The following NCKAP5 variants were observed in gnomAD, a reference collection of about 807,000 sequenced individuals.
NCKAP5 encodes the protein NCK associated protein 5.
Under a neutral mutation model 167.0 loss-of-function variants are expected in NCKAP5, and 92 were observed. The observed-to-expected ratio is 0.55, with a 90% confidence interval of 0.47 to 0.66. The LOEUF is 0.66. Ranked by LOEUF, NCKAP5 falls within the 30% of genes least tolerant of loss-of-function variation. The pLI is 0.00. For missense variants in NCKAP5, 2,378 were observed against 2,315.0 expected, an observed-to-expected ratio of 1.03 and a Z score of -0.56; for synonymous variants, 891 against 877.4, an observed-to-expected ratio of 1.02 and a Z score of -0.27.
chr2:133,043,279 A>T (rs918540982), intron 6 of NCKAP5, among the ~76,000 whole-genome samples: 6 of 152,226 alleles, frequency 3.9e-5, no homozygotes, highest in Admixed American at 3.9e-4. Flanking sequence ...CTGTTTGCCC[A>T]TCCCATAATC....
chr2:133,178,429 C>T (rs568721201), intron 5 of NCKAP5, among the ~76,000 whole-genome samples: 3 of 137,544 alleles, frequency 2.2e-5, no homozygotes, highest in African/African-American at 5.5e-5. Context: ...TGCCTGAACC[C>T]GGGAAGTGGA....
chr2:132,748,651 C>T (rs572254138), intron 16 of NCKAP5, among the ~76,000 whole-genome samples: 2 of 152,240 alleles, frequency 1.3e-5, no homozygotes, highest in East Asian at 3.9e-4. Context: ...CCCTACTCTC[C>T]CTGTTTCAAA....
At position 132,672,023 on chromosome 2, in the gene NCKAP5, T is replaced by C. The variant is rs1417976536; in HGVS notation, c.*1266A>G. 1 of 152,664 alleles carries C rather than the reference T, an allele frequency of 6.6e-6. No individual in the cohort carries two copies. The highest frequency in any genetic ancestry group is 1.5e-5 in the Non-Finnish European group (1 of 68,042). 9.5% of individuals were successfully genotyped at this position (152,664 alleles called of 1,614,324 possible). On this transcript the variant is annotated 3_prime_UTR_variant, in exon 20 of 20. Transcript: ENST00000409261. ...CTATTGGGCCTAGTTTACAAGCTCC[T>C]GTACATAAGTAATTATAAATAGTTC...
At chr2:133,558,704 C>CTAAAAAAAAAA (rs1687929346) in intron 2 of NCKAP5, among the ~76,000 whole-genome samples, 1 of 50,872 alleles carries the variant, frequency 2.0e-5, no homozygotes, top group Non-Finnish European at 3.3e-5. Flanking sequence ...ATGTGCTGAG[C>CTAAAAAAAAAA]AAAAAAAAAA....
chr2:133,466,224 A>G (rs1692576338), intron 3 of NCKAP5, among the ~76,000 whole-genome samples: 1 of 147,842 alleles, frequency 6.8e-6, no homozygotes, highest in Non-Finnish European at 1.5e-5. Context: ...AGATTTCTAC[A>G]TATGGCTAGC....
At chr2:133,192,654 A>G (rs943421329) in intron 5 of NCKAP5, among the ~76,000 whole-genome samples, 8 of 151,144 alleles carry the variant, frequency 5.3e-5, no homozygotes, top group Admixed American at 4.6e-4. Flanking sequence ...AAAGATATTC[A>G]ATGCCACTAA....
chr2:133,552,824 G>T (rs894772639), intron 2 of NCKAP5, among the ~76,000 whole-genome samples: 1 of 151,650 alleles, frequency 6.6e-6, no homozygotes, highest in East Asian at 1.9e-4. Flanking sequence ...GCAGATGAAC[G>T]AACACTCTTT....
At chr2:133,421,623 C>A (rs1196930006) in intron 3 of NCKAP5, among the ~76,000 whole-genome samples, 1 of 152,180 alleles carries the variant, frequency 6.6e-6, no homozygotes, top group African/African-American at 2.4e-5. Flanking sequence ...GCACAGCCTG[C>A]GTTTACTCAC....
chr2:133,339,116 T>G (rs1255127679), intron 3 of NCKAP5, among the ~76,000 whole-genome samples: 1 of 152,210 alleles, frequency 6.6e-6, no homozygotes, highest in Non-Finnish European at 1.5e-5. Context: ...TCAAAGAAAT[T>G]TCAACAGAAT....
At chr2:133,265,573 T>C (rs2089155406) in intron 4 of NCKAP5, among the ~76,000 whole-genome samples, 2 of 152,250 alleles carry the variant, frequency 1.3e-5, no homozygotes, top group Admixed American at 1.3e-4. Context: ...GCACAGGCAG[T>C]TGCCAGTAGC....
At chr2:132,737,807 T>C (rs568714960) in intron 16 of NCKAP5, among the ~76,000 whole-genome samples, 1 of 152,348 alleles carries the variant, frequency 6.6e-6, no homozygotes, top group African/African-American at 2.4e-5. Context: ...ATAAATGTTA[T>C]TAGACTGTAA....
chr2:133,487,371 G>A (rs1365244661), intron 3 of NCKAP5, among the ~76,000 whole-genome samples: 4 of 152,130 alleles, frequency 2.6e-5, no homozygotes, highest in African/African-American at 9.7e-5. Flanking sequence ...AAATGATAGG[G>A]TGGTGTGAAA....
chr2:133,167,310 A>T (rs1050922673), intron 5 of NCKAP5, among the ~76,000 whole-genome samples: 2 of 152,194 alleles, frequency 1.3e-5, no homozygotes, highest in Non-Finnish European at 2.9e-5. Context: ...GCTATTATTT[A>T]ATAACTAAGA....
At chr2:133,590,523 CAAAAAA>C in the NCKAP5 span, among the ~76,000 whole-genome samples, 4 of 89,670 alleles carry the variant, frequency 4.5e-5, no homozygotes, top group African/African-American at 1.9e-4. Context: ...GACTCTGTCT[CAAAAAA>C]AAAAAAAAAA....
At chr2:133,228,126 TG>T (rs35094848) in intron 4 of NCKAP5, among the ~76,000 whole-genome samples, 1 of 152,192 alleles carries the variant, frequency 6.6e-6, no homozygotes, top group East Asian at 1.9e-4. Flanking sequence ...AGCTTTGACC[TG>T]GGAGCAGGGT....
At chr2:133,003,441 G>A (rs570296612) in intron 6 of NCKAP5, among the ~76,000 whole-genome samples, 1 of 152,248 alleles carries the variant, frequency 6.6e-6, no homozygotes, top group Non-Finnish European at 1.5e-5. Context: ...ACTGGGTTCT[G>A]CCCAACTGCG....
chr2:133,458,270 T>C (rs1691981453), intron 3 of NCKAP5, among the ~76,000 whole-genome samples: 1 of 152,188 alleles, frequency 6.6e-6, no homozygotes, highest in Non-Finnish European at 1.5e-5. Flanking sequence ...ATATTAATCA[T>C]GAAGAGCATG....
intron 8 of NCKAP5, among the ~76,000 whole-genome samples, chr2:132,885,854 G>A (rs1692173505): frequency 6.6e-6 from 1 of 152,182 alleles, no homozygotes; most frequent in Admixed American, 6.5e-5. Flanking sequence ...ACAGACCAAA[G>A]GTAGACTACT....
At chr2:133,578,591 G>T in the NCKAP5 span, among the ~76,000 whole-genome samples, 1 of 152,118 alleles carries the variant, frequency 6.6e-6, no homozygotes, top group East Asian at 1.9e-4. Context: ...CACTCCAAGG[G>T]GCCATACTCA....
Sources: gnomAD v4.1 joint callset for allele counts (sites outside exome capture counted in the v4.1 genomes callset) on GRCh38, gnomAD v4.1.1 for gene constraint, MANE v1.5 for transcripts, NCBI Gene and HGNC (gene_info 2026-07-23, HGNC 2026-07-21) for gene names.